MMP24: variants seen among roughly 807,000 people sequenced by gnomAD.
The protein encoded by MMP24 is matrix metalloproteinase-24.
MMP24 carries 25 observed loss-of-function variants against 62.8 expected under a neutral mutation model. That is an observed-to-expected ratio of 0.40 (90% CI 0.29 to 0.56). MMP24 has a LOEUF of 0.56. Among genes scored for constraint, MMP24 ranks in the 20% least tolerant of loss-of-function variants. The probability of loss-of-function intolerance (pLI) is 0.50; values close to 1 mark genes in which losing one functional copy is unlikely to be tolerated. For synonymous variants in MMP24, 319 were observed against 350.5 expected (o/e 0.91, Z 1.00); for missense variants, 634 against 853.6 (o/e 0.74, Z 3.21).
intron 2 of MMP24, 29 bp from the exon 3 acceptor site, chr20:35,251,876 G>A (rs752820093): frequency 8.4e-6 from 13 of 1,544,720 alleles, no homozygotes; most frequent in Non-Finnish European, 1.1e-5. Context: ...CAGTGCATAT[G>A]CGTGTGTGTG....
intron 1 of MMP24, among the ~76,000 whole-genome samples, chr20:35,229,759 C>A (rs2060429918): frequency 6.6e-6 from 1 of 152,138 alleles, no homozygotes; most frequent in South Asian, 2.1e-4. Context: ...GCTCATCTCT[C>A]CTTTACCCTT....
Position 35,271,582 on chromosome 20 carries a change from G to C in MMP24, c.1347G>C (p.Trp449Cys), listed in dbSNP as rs1335661551. ...RFVFFKGDKYWVFKEVTVEPG... is the reference protein window; with the variant it reads ...RFVFFKGDKYCVFKEVTVEPG... ...TCTTGGCCACAGGTGACAAGTATTG[G>C]GTGTTTAAGGAGGTGACGGTGGAGC... is the stretch of plus-strand genomic sequence containing the variant. The change falls in exon 8 of 9, where the codon TGG becomes TGC. Residue 449 changes from tryptophan to cysteine, a missense_variant. Physicochemically the swap from Trp to Cys is radical, Grantham distance 215. This residue lies in a region of MMP24 where 399 missense variants were observed against 530.8 expected (regional missense o/e 0.75). Coordinates refer to ENST00000246186, the MANE Select transcript of MMP24 (RefSeq NM_006690.4). This position sits in a 1 kb window ranked among gnomAD's most constrained non-coding sequence, Gnocchi z 4.0. 1 of 1,613,182 alleles carries C rather than the reference G, an allele frequency of 6.2e-7. No individual in the cohort carries two copies. Among genetic ancestry groups the C allele is most frequent in the South Asian group, 1.1e-5 (1 of 90,796 alleles).
Position 35,274,412 on chromosome 20 carries a change from C to T in MMP24, c.1741C>T (p.Arg581Trp), listed in dbSNP as rs777159332. The T allele has an allele frequency of 5.0e-6, 8 of 1,613,760 alleles. No homozygotes were observed. Among genetic ancestry groups the T allele is most frequent in the African/African-American group, 2.7e-5 (2 of 74,912 alleles). ...GGAGGTGGAGCGGCGGAAGGAGCGG[C>T]GGCTGCCCCAGGACGACGTGGACAT... ...QKEVERRKER[R>W]LPQDDVDIMV... The change falls in exon 9 of 9, where the codon CGG (arginine) becomes TGG (tryptophan). Residue 581 changes from arginine (R) to tryptophan (W), a missense_variant. This residue lies in a region of MMP24 where 399 missense variants were observed against 530.8 expected (regional missense o/e 0.75). Coordinates refer to ENST00000246186, the MANE Select transcript of MMP24 (RefSeq NM_006690.4). The surrounding 1 kb of genome is among the most constrained non-coding windows in gnomAD (Gnocchi z 5.1).
chr20:35,254,858 C>T (rs1463584234), intron 4 of MMP24, 104 bp downstream of exon 4: 4 of 1,301,394 alleles, frequency 3.1e-6, no homozygotes, highest in South Asian at 2.9e-5. Context: ...AGCCTCTTGT[C>T]CAAGAACTAA....
In MMP24 at chr20:35,269,070, G is replaced by A. The variant is rs2060653273; in HGVS notation, c.1195-690G>A. 6.6e-6 allele frequency among the ~76,000 whole-genome samples: 1 copy of A among 151,936 alleles called. No homozygotes were observed. Among genetic ancestry groups the A allele is most frequent in the Admixed American group, 6.6e-5 (1 of 15,246 alleles). ...GAAAACTGAGGCCTGGAGGCTACAG[G>A]CCTTGCCTAGACTGCTTGTGTACCA... On this transcript the variant is annotated intron_variant, in intron 6 of 8. Transcript: ENST00000246186. This position sits in a 1 kb window ranked among gnomAD's most constrained non-coding sequence, Gnocchi z 4.6.
chr20:35,257,467 G>C (rs2060580704), intron 4 of MMP24, among the ~76,000 whole-genome samples: 1 of 152,198 alleles, frequency 6.6e-6, no homozygotes, highest in Non-Finnish European at 1.5e-5. Context: ...CCTGTTATGT[G>C]CCAGGCACTG....
At chr20:35,266,858 G>A (rs1217886129) in intron 5 of MMP24, among the ~76,000 whole-genome samples, 1 of 152,096 alleles carries the variant, frequency 6.6e-6, no homozygotes, top group Non-Finnish European at 1.5e-5. Context: ...GCACTGGGGT[G>A]GGAAAGAGAA....
intron 4 of MMP24, among the ~76,000 whole-genome samples, chr20:35,259,455 G>A (rs189153142): frequency 2.6e-5 from 4 of 152,306 alleles, no homozygotes; most frequent in African/African-American, 9.6e-5. Context: ...AATCACGTGG[G>A]GAGGAAGCGG....
intron 5 of MMP24, among the ~76,000 whole-genome samples, chr20:35,265,441 C>CAA (rs11482676): frequency 1.6e-5 from 2 of 125,974 alleles, no homozygotes; most frequent in East Asian, 2.4e-4. Context: ...GACTCCGTCT[C>CAA]AAAAAAAAAA....
At chr20:35,244,175 G>A (rs1440423534) in intron 1 of MMP24, among the ~76,000 whole-genome samples, 2 of 152,166 alleles carry the variant, frequency 1.3e-5, no homozygotes, top group Admixed American at 6.6e-5. Flanking sequence ...ATAGACACAT[G>A]AAACAAAAGC....
intron 3 of MMP24, among the ~76,000 whole-genome samples, chr20:35,253,144 C>T (rs928446084): frequency 7.2e-5 from 11 of 152,334 alleles, no homozygotes; most frequent in Admixed American, 2.0e-4. Flanking sequence ...TGCTGGCTGG[C>T]ACTTCTCAAG....
At chr20:35,253,792 T>G (rs1453379472) in intron 3 of MMP24, among the ~76,000 whole-genome samples, 2 of 152,162 alleles carry the variant, frequency 1.3e-5, no homozygotes, top group Non-Finnish European at 2.9e-5. Flanking sequence ...TTTTTATAAC[T>G]TTTATAAATG....
intron 4 of MMP24, among the ~76,000 whole-genome samples, chr20:35,255,464 C>T (rs2060570194): frequency 6.6e-6 from 1 of 152,178 alleles, no homozygotes; most frequent in Non-Finnish European, 1.5e-5. Context: ...GTCACCCTCA[C>T]AGGTGAGTAG....
At position 35,275,943 on chromosome 20, in the gene MMP24, C is replaced by T. The variant is rs537075321; in HGVS notation, c.*1334C>T. 1.0e-5 allele frequency: 4 copies of T among 398,476 alleles called. No homozygotes were observed. The Admixed American group carries it at 1.3e-4, about 13-fold the overall frequency. The allele number at this position is 398,476 out of a possible 1,614,324, so 24.7% of individuals were successfully genotyped here. A position where few individuals can be genotyped will look rare whatever the true frequency, so the allele number is the denominator to read the frequency against. ...AGTTCCTAGGGCTTGGCCTGCCTTG[C>T]TCCACAGTACGGCGGAGGCAGCCCT... On this transcript the variant is annotated 3_prime_UTR_variant, in exon 9 of 9. Coordinates refer to ENST00000246186, the MANE Select transcript of MMP24 (RefSeq NM_006690.4).
chr20:35,228,056 CAG>C (rs2146195436), intron 1 of MMP24, among the ~76,000 whole-genome samples: 1 of 152,258 alleles, frequency 6.6e-6, no homozygotes, highest in African/African-American at 2.4e-5. Flanking sequence ...TGAGGAAAAT[CAG>C]AGTGATAGCC....
Position 35,237,040 on chromosome 20 carries a change from G to A in MMP24, c.247-9800G>A, listed in dbSNP as rs568745656. Among the ~76,000 whole-genome samples the A allele has an allele frequency of 7.6e-4, 115 of 151,464 alleles. 1 individual carries two copies. The highest frequency in any genetic ancestry group is 2.1e-3 in the South Asian group (10 of 4,794). On this transcript the variant is annotated intron_variant, in intron 1 of 8. Transcript: ENST00000246186. Reference sequence around the variant, plus strand: ...GGGGGAGCTGGGAATGGAGCCAAGCGTCTCTGCCTTTCAGCGGTTCTTTCC... The same window carrying A: ...GGGGGAGCTGGGAATGGAGCCAAGCATCTCTGCCTTTCAGCGGTTCTTTCC...
chr20:35,242,807 C>T (rs931953007), intron 1 of MMP24, among the ~76,000 whole-genome samples: 1 of 152,202 alleles, frequency 6.6e-6, no homozygotes, highest in African/African-American at 2.4e-5. Flanking sequence ...AGATGAACTG[C>T]CCTCCATAGG....
At chr20:35,268,590 T>C (rs938984124) in intron 6 of MMP24, among the ~76,000 whole-genome samples, 1 of 152,244 alleles carries the variant, frequency 6.6e-6, no homozygotes, top group Non-Finnish European at 1.5e-5. Flanking sequence ...TGAAAGTGCT[T>C]TGTAAAACAC....
intron 3 of MMP24, among the ~76,000 whole-genome samples, 164 bp from the exon 4 acceptor site, chr20:35,254,286 C>A (rs2060563737): frequency 6.6e-6 from 1 of 152,158 alleles, no homozygotes; most frequent in Non-Finnish European, 1.5e-5. Flanking sequence ...GGGTGGGGAT[C>A]CAGAGCTCTG....
Sources: gnomAD v4.1 joint callset for allele counts (sites outside exome capture counted in the v4.1 genomes callset) on GRCh38, gnomAD v4.1.1 for gene constraint, gnomAD v4.1.1 regional missense constraint, Gnocchi (gnomAD v3.1) non-coding constraint, MANE v1.5 for transcripts, NCBI Gene and HGNC (gene_info 2026-07-23, HGNC 2026-07-21) for gene names.